The following ATP8A2 variants were observed in gnomAD, a reference collection of about 807,000 sequenced individuals.
ATP8A2 encodes the protein phospholipid-transporting ATPase IB.
In ATP8A2, 100 loss-of-function variants were observed where a neutral mutation model predicts 165.6. The ratio of observed to expected loss-of-function variants is 0.60; its 90% CI spans 0.51 to 0.71. ATP8A2 has a LOEUF of 0.71. ATP8A2 is among the 30% of genes least tolerant of loss of function. The pLI is 0.00. For synonymous variants in ATP8A2, 543 were observed against 548.8 expected (o/e 0.99, Z 0.15); for missense variants, 1,227 against 1,479.5 (o/e 0.83, Z 2.80).
chr13:25,768,085 GGT>G (rs2044532651), intron 25 of ATP8A2, among the ~76,000 whole-genome samples: 1 of 131,006 alleles, frequency 7.6e-6, no homozygotes, highest in African/African-American at 2.8e-5. Context: ...GTGGGGGGGG[GGT>G]GGTGGGGGGG....
At chr13:25,927,673 G>A (rs1000989149) in intron 33 of ATP8A2, among the ~76,000 whole-genome samples, 1 of 152,184 alleles carries the variant, frequency 6.6e-6, no homozygotes, top group Non-Finnish European at 1.5e-5. Context: ...GAGGTTCATG[G>A]TATATCCAGG....
chr13:25,400,931 A>G (rs2033616872), intron 1 of ATP8A2, among the ~76,000 whole-genome samples: 1 of 152,230 alleles, frequency 6.6e-6, no homozygotes, highest in Admixed American at 6.5e-5. Context: ...AGGATGTATT[A>G]TGCATGTCAG....
chr13:25,783,422 C>T (rs1390196978), intron 27 of ATP8A2, among the ~76,000 whole-genome samples: 1 of 152,246 alleles, frequency 6.6e-6, no homozygotes, highest in African/African-American at 2.4e-5. Context: ...CTCATGCATG[C>T]TCATTCTCCA....
At position 26,019,117 on chromosome 13, in the gene ATP8A2, G is replaced by A. The variant is rs189034834; in HGVS notation, c.3470-771G>A. On this transcript the variant is annotated intron_variant, in intron 36 of 36. Transcript: ENST00000381655. ...TCAGTCTGATTTAAAAACAGGGCTG[G>A]GTGTGGTGGCTCAGGCCTGTAATCC... 1.3e-3 allele frequency among the ~76,000 whole-genome samples: 195 copies of A among 152,252 alleles called. 1 individual carries two copies. Among genetic ancestry groups the A allele is most frequent in the African/African-American group, 4.5e-3 (188 of 41,548 alleles).
At chr13:25,752,759 C>G (rs1259425335) in intron 25 of ATP8A2, among the ~76,000 whole-genome samples, 1 of 152,192 alleles carries the variant, frequency 6.6e-6, no homozygotes, top group Non-Finnish European at 1.5e-5. Flanking sequence ...TATTAGTCTA[C>G]TTTGTTGTTG....
At chr13:25,493,793 T>C (rs971574937) in intron 2 of ATP8A2, among the ~76,000 whole-genome samples, 4 of 152,046 alleles carry the variant, frequency 2.6e-5, no homozygotes, top group Admixed American at 6.5e-5. Flanking sequence ...ATGATCTCTG[T>C]TTCAGGGTCA....
At position 25,550,505 on chromosome 13, in the gene ATP8A2, T is replaced by C. The variant is rs145876944; in HGVS notation, c.892-833T>C. ...GGCTGAGAGGATCTAGTCCCAAATGTTCCACCTGAACTGGAGTGATTCTTG... is the reference window on the plus strand; with the variant it reads ...GGCTGAGAGGATCTAGTCCCAAATGCTCCACCTGAACTGGAGTGATTCTTG... On this transcript the variant is annotated intron_variant, in intron 10 of 36. Transcript: ENST00000381655. Among the ~76,000 whole-genome samples, 228 of 152,314 alleles carry C rather than the reference T, an allele frequency of 1.5e-3. 1 individual carries two copies. The highest frequency in any genetic ancestry group is 2.7e-3 in the Non-Finnish European group (187 of 68,018).
chr13:25,457,244 T>A (rs1003129694), intron 1 of ATP8A2, among the ~76,000 whole-genome samples: 1 of 152,040 alleles, frequency 6.6e-6, no homozygotes, highest in Non-Finnish European at 1.5e-5. Context: ...ACTCTAGGAG[T>A]ATACTTTTAT....
intron 1 of ATP8A2, among the ~76,000 whole-genome samples, chr13:25,425,405 C>T (rs537837885): frequency 4.6e-5 from 7 of 150,564 alleles, no homozygotes; most frequent in East Asian, 3.9e-4. Context: ...ACTTGCAAGA[C>T]GTCATAAATT....
Position 25,528,661 on chromosome 13 carries a change from CT to C in ATP8A2, c.222-1330del, listed in dbSNP as rs201455323. Among the ~76,000 whole-genome samples the C allele has an allele frequency of 2.9e-3, 442 of 151,992 alleles. 4 individuals are homozygous for C. The highest frequency in any genetic ancestry group is 0.01 in the African/African-American group (417 of 41,438). ...GTAAATTAAAAACCTGCTAGATAAT[CT>C]TTTTTTTATTTATTATACTTTAAGT... On this transcript the variant is annotated intron_variant, in intron 2 of 36. Coordinates refer to ENST00000381655, the MANE Select transcript of ATP8A2 (RefSeq NM_016529.6).
chr13:25,984,181 G>A (rs967353655), intron 35 of ATP8A2, among the ~76,000 whole-genome samples: 4 of 151,792 alleles, frequency 2.6e-5, no homozygotes, highest in Non-Finnish European at 4.4e-5. Context: ...AGGCTGCAGT[G>A]AGCTGTGATC....
chr13:25,720,167 C>CTTTTTCTTTTTTTT (rs1462225714), intron 25 of ATP8A2, among the ~76,000 whole-genome samples: 1 of 117,288 alleles, frequency 8.5e-6, no homozygotes, highest in African/African-American at 3.8e-5. Context: ...TATACTTTTT[C>CTTTTTCTTTTTTTT]TTTTTTTTTT....
chr13:25,692,881 C>T lies in ATP8A2; in HGVS notation c.2212-6292C>T, dbSNP rs145447035. ...CACTCACTTTCGACATTAAATTATG[C>T]GTTTGTTTAATTGTGAAGGAAAATA... On this transcript the variant is annotated intron_variant, in intron 24 of 36. Transcript: ENST00000381655. 1.1e-4 allele frequency among the ~76,000 whole-genome samples: 17 copies of T among 152,146 alleles called. 1 individual carries two copies. Among genetic ancestry groups the T allele is most frequent in the South Asian group, 4.1e-4 (2 of 4,828 alleles).
At chr13:25,707,251 A>G (rs2043072389) in intron 25 of ATP8A2, among the ~76,000 whole-genome samples, 1 of 152,336 alleles carries the variant, frequency 6.6e-6, no homozygotes, top group Non-Finnish European at 1.5e-5. Flanking sequence ...TTGAAATTAA[A>G]GCTAATTTTG....
Position 25,463,638 on chromosome 13 carries a change from G to A in ATP8A2, c.77-5339G>A, listed in dbSNP as rs114154062. ...GTGACTTCCACATTCTTATTGCCAC[G>A]CACACATTCCAAGTGAGTGAAACGA... On this transcript the variant is annotated intron_variant, in intron 1 of 36. Transcript: ENST00000381655. 8.5e-3 allele frequency among the ~76,000 whole-genome samples: 1,288 copies of A among 152,150 alleles called. 23 individuals carry two copies. Among genetic ancestry groups the A allele is most frequent in the African/African-American group, 0.03 (1,225 of 41,496 alleles).
At chr13:25,502,075 ACT>A (rs972802496) in intron 2 of ATP8A2, among the ~76,000 whole-genome samples, 3 of 152,144 alleles carry the variant, frequency 2.0e-5, no homozygotes, top group African/African-American at 7.2e-5. Context: ...TCACTTCCTA[ACT>A]CTGTTAGTTA....
At chr13:25,911,881 A>T (rs1195121857) in intron 33 of ATP8A2, among the ~76,000 whole-genome samples, 3 of 152,188 alleles carry the variant, frequency 2.0e-5, no homozygotes, top group Non-Finnish European at 4.4e-5. Flanking sequence ...TTAAAAAATT[A>T]ACTGTGGAGA....
rs2038433824 is a variant in ATP8A2 at position 25,540,384 on chromosome 13, G to A, written c.647G>A (p.Arg216His). 6 of 1,608,416 alleles carry A rather than the reference G, an allele frequency of 3.7e-6. No homozygotes were observed. The highest frequency in any genetic ancestry group is 5.1e-6 in the Non-Finnish European group (6 of 1,174,878). The change falls in exon 8 of 37, where the codon CGT becomes CAT. Residue 216 changes from arginine (R) to histidine (H), a missense_variant. Coordinates refer to ENST00000381655, the MANE Select transcript of ATP8A2 (RefSeq NM_016529.6). ...NLDGETNLKI[R>H]QGLSHTADMQ... ...GATGGGGAGACGAACCTTAAAATAC[G>A]TCAGGTAAAGTCACCTCTGATGACT...
chr13:25,416,230 G>A (rs78079298), intron 1 of ATP8A2, among the ~76,000 whole-genome samples: 13,367 of 152,170 alleles, frequency 0.088, 928 homozygotes, highest in African/African-American at 0.18. Flanking sequence ...ATTGGGTTTG[G>A]TTCACTGTTT....
Sources: allele counts gnomAD v4.1 joint callset (sites outside exome capture counted in the v4.1 genomes callset), GRCh38; gene constraint gnomAD v4.1.1; transcripts MANE v1.5; gene names NCBI Gene and HGNC (gene_info 2026-07-23, HGNC 2026-07-21).